ZNF804B: variants seen among roughly 807,000 people sequenced by gnomAD.
ZNF804B encodes zinc finger protein 804B.
A neutral mutation model predicts 101.4 loss-of-function variants in ZNF804B; 80 were observed. The ratio of observed to expected loss-of-function variants is 0.79; its 90% confidence interval spans 0.66 to 0.95. The LOEUF is 0.95. Ranked by LOEUF, ZNF804B falls within the 40% of genes least tolerant of loss-of-function variation. The pLI, the probability that ZNF804B is intolerant of heterozygous loss-of-function variation, is 0.00. For synonymous variants in ZNF804B, 622 were observed against 558.8 expected (o/e 1.11, Z -1.59); for missense variants, 1,673 against 1,561.9 (o/e 1.07, Z -1.20).
chr7:88,833,566 G>A (rs1562806439), intron 1 of ZNF804B, among the ~76,000 whole-genome samples: 1 of 151,836 alleles, frequency 6.6e-6, no homozygotes, highest in South Asian at 2.1e-4. Context: ...TAGAGTCTGC[G>A]AGTTTGAAAG....
intron 1 of ZNF804B, among the ~76,000 whole-genome samples, chr7:88,815,023 TATATATAC>T (rs988793774): frequency 2.0e-5 from 3 of 149,412 alleles, no homozygotes; most frequent in Non-Finnish European, 3.0e-5. Context: ...TATATATTCT[TATATATAC>T]ATATATGTGT....
chr7:88,886,802 C>G (rs1412136533), intron 1 of ZNF804B, among the ~76,000 whole-genome samples: 1 of 150,952 alleles, frequency 6.6e-6, no homozygotes, highest in East Asian at 1.9e-4. Context: ...GATATAATTC[C>G]TAATAGACTT....
chr7:89,338,311 G>A lies in ZNF804B; in HGVS notation c.*1279G>A, dbSNP rs1791135941. ...TCTTCAGCCTTGGCTGCAAAAGGAA[G>A]ATAGCTATATTTAAGGCTTGTTGTG... On this transcript the variant is annotated 3_prime_UTR_variant, in exon 4 of 4. Coordinates refer to ENST00000333190, the MANE Select transcript of ZNF804B (RefSeq NM_181646.5). Among the ~76,000 whole-genome samples, 1 of 152,042 alleles carries A rather than the reference G, an allele frequency of 6.6e-6. No homozygotes were observed. Among genetic ancestry groups the A allele is most frequent in the African/African-American group, 2.4e-5 (1 of 41,420 alleles).
intron 1 of ZNF804B, among the ~76,000 whole-genome samples, chr7:88,856,753 T>C (rs1791565636): frequency 6.6e-6 from 1 of 152,136 alleles, no homozygotes; most frequent in African/African-American, 2.4e-5. Context: ...TTGTCATAGA[T>C]AGCTCTTATT....
intron 1 of ZNF804B, among the ~76,000 whole-genome samples, chr7:88,939,917 A>C (rs1793031821): frequency 6.6e-6 from 1 of 152,132 alleles, no homozygotes. Flanking sequence ...AAGAATTATA[A>C]GTTTAGATTG....
At chr7:89,018,476 G>GT (rs71120051) in intron 1 of ZNF804B, among the ~76,000 whole-genome samples, 107,942 of 151,652 alleles carry the variant, frequency 0.71, 38,716 homozygotes, top group African/African-American at 0.79. Flanking sequence ...TTTTTATGGA[G>GT]TTTTTTTGTA....
chr7:89,213,657 G>A (rs889768018), intron 1 of ZNF804B, among the ~76,000 whole-genome samples: 11 of 152,148 alleles, frequency 7.2e-5, no homozygotes, highest in Admixed American at 1.3e-4. Context: ...ATGAGTTAGC[G>A]GAGACAGCCT....
intron 1 of ZNF804B, among the ~76,000 whole-genome samples, chr7:88,881,316 A>G (rs1254190749): frequency 6.6e-6 from 1 of 152,162 alleles, no homozygotes; most frequent in East Asian, 1.9e-4. Flanking sequence ...TCATAAAAAT[A>G]CTATGAGATT....
chr7:88,951,457 T>C (rs1978157), intron 1 of ZNF804B, among the ~76,000 whole-genome samples: 143,760 of 151,892 alleles, frequency 0.95, 68,089 homozygotes, highest in East Asian at 1. Context: ...TACACACACA[T>C]GCGCGTGCGC....
chr7:89,201,687 T>C (rs952215089), intron 1 of ZNF804B, among the ~76,000 whole-genome samples: 2 of 152,038 alleles, frequency 1.3e-5, no homozygotes, highest in African/African-American at 4.8e-5. Flanking sequence ...CTCTAAAGTT[T>C]GTATGACTTC....
At chr7:88,948,603 G>A (rs1793172552) in intron 1 of ZNF804B, among the ~76,000 whole-genome samples, 1 of 151,808 alleles carries the variant, frequency 6.6e-6, no homozygotes, top group Admixed American at 6.6e-5. Flanking sequence ...CCACCAGCCT[G>A]CTCCTGCTGT....
intron 1 of ZNF804B, among the ~76,000 whole-genome samples, chr7:88,916,017 AT>A (rs1204161660): frequency 6.6e-6 from 1 of 151,964 alleles, no homozygotes; most frequent in Non-Finnish European, 1.5e-5. Flanking sequence ...ATCACCTTAA[AT>A]TTTTCCTGTA....
intron 1 of ZNF804B, among the ~76,000 whole-genome samples, chr7:89,040,247 CT>C (rs1229707422): frequency 1.3e-5 from 2 of 151,786 alleles, no homozygotes; most frequent in Non-Finnish European, 2.9e-5. Context: ...TTTCTTTACT[CT>C]TTTTTATCCT....
At chr7:89,197,091 T>C (rs184471493) in intron 1 of ZNF804B, among the ~76,000 whole-genome samples, 11 of 152,156 alleles carry the variant, frequency 7.2e-5, no homozygotes, top group Admixed American at 7.2e-4. Flanking sequence ...AGAAATACTA[T>C]TTGACCCAGC....
At chr7:89,027,395 A>G (rs1788767009) in intron 1 of ZNF804B, among the ~76,000 whole-genome samples, 1 of 152,282 alleles carries the variant, frequency 6.6e-6, no homozygotes, top group South Asian at 2.1e-4. Context: ...AATTTCTTCC[A>G]TTGTAATAAA....
Position 89,335,814 on chromosome 7 carries a change from T to A in ZNF804B, c.2832T>A (p.Val944=), listed in dbSNP as rs139091510. The A allele has an allele frequency of 6.2e-7, 1 of 1,614,042 alleles. No individual in the cohort carries two copies. Among genetic ancestry groups the A allele is most frequent in the East Asian group, 2.2e-5 (1 of 44,862 alleles). ...AATGTCAAGAACAATCAAGTAATGT[T>A]GAGATCTCTTCAAACAGTTGTAAAA... ...AKKCQEQSSN[V]EISSNSCKSE... The change falls in exon 4 of 4, where the codon GTT becomes GTA. Residue 944 remains valine, a synonymous_variant. Coordinates refer to ENST00000333190, the MANE Select transcript of ZNF804B (RefSeq NM_181646.5).
At chr7:88,901,330 T>C (rs147550393) in intron 1 of ZNF804B, among the ~76,000 whole-genome samples, 4 of 151,866 alleles carry the variant, frequency 2.6e-5, no homozygotes, top group African/African-American at 9.7e-5. Flanking sequence ...ATATTAAAAA[T>C]TCATCTTCTC....
At chr7:89,006,467 T>C (rs1788370188) in intron 1 of ZNF804B, among the ~76,000 whole-genome samples, 2 of 152,156 alleles carry the variant, frequency 1.3e-5, no homozygotes, top group Admixed American at 1.3e-4. Flanking sequence ...ATTTATATCA[T>C]GCATTGTGAA....
intron 1 of ZNF804B, among the ~76,000 whole-genome samples, chr7:88,827,432 G>GTT (rs5885640): frequency 1.4e-5 from 2 of 147,674 alleles, no homozygotes; most frequent in South Asian, 2.1e-4. Context: ...ACATATATGT[G>GTT]TTTTTTTTTT....
Sources: gnomAD v4.1 joint callset for allele counts (sites outside exome capture counted in the v4.1 genomes callset) on GRCh38, gnomAD v4.1.1 for gene constraint, MANE v1.5 for transcripts, NCBI Gene and HGNC (gene_info 2026-07-23, HGNC 2026-07-21) for gene names.